SPTBN1: variants seen among roughly 807,000 people sequenced by gnomAD.
SPTBN1 encodes spectrin beta chain, non-erythrocytic 1.
In SPTBN1, 32 loss-of-function variants were observed where a neutral mutation model predicts 266.4. The ratio of observed to expected loss-of-function variants is 0.12; its 90% CI spans 0.09 to 0.16. SPTBN1 has a LOEUF of 0.16. SPTBN1 is among the 10% of genes least tolerant of loss of function. The probability of loss-of-function intolerance (pLI) is 1.00; values close to 1 mark genes in which losing one functional copy is unlikely to be tolerated. For synonymous variants in SPTBN1, 1,336 were observed against 1,162.2 expected (o/e 1.15, Z -3.04); for missense variants, 2,296 against 3,067.1 (o/e 0.75, Z 5.94).
chr2:54,594,829 G>GTTTTTTTTTTTTTTTTTTTTTTTT (rs566074908), intron 2 of SPTBN1, among the ~76,000 whole-genome samples: 2 of 46,386 alleles, frequency 4.3e-5, no homozygotes, highest in African/African-American at 3.3e-4. Flanking sequence ...CCTCTGGTAA[G>GTTTTTTTTTTTTTTTTTTTTTTTT]TTTCTTTTTT....
Position 54,571,481 on chromosome 2 carries a change from GCA to G in SPTBN1, c.149-27607_149-27606del, listed in dbSNP as rs552223910. On this transcript the variant is annotated intron_variant, in intron 2 of 35. Coordinates refer to ENST00000356805, the MANE Select transcript of SPTBN1 (RefSeq NM_003128.3). ...TCCGGGGAATCTTCCTCAGTCCCAGGCACACTGGGTGGTGAGTCCCCCAGTTA... is the reference window on the plus strand; with the variant it reads ...TCCGGGGAATCTTCCTCAGTCCCAGGCACTGGGTGGTGAGTCCCCCAGTTA... Among the ~76,000 whole-genome samples, 4 of 151,664 alleles carry G rather than the reference GCA, an allele frequency of 2.6e-5. 1 individual carries two copies. The South Asian group carries it at 8.4e-4, about 32-fold the overall frequency.
rs1049516049 is a variant in SPTBN1 at position 54,566,193 on chromosome 2, T to C, written c.149-32899T>C. On this transcript the variant is annotated intron_variant, in intron 2 of 35. Coordinates refer to ENST00000356805, the MANE Select transcript of SPTBN1 (RefSeq NM_003128.3). ...AAGCATTTTTCTTTTTTCTTTTTTT[T>C]TTTTTTTTTTGTTGAGATGGAGTGT... Among the ~76,000 whole-genome samples, 23 of 144,296 alleles carry C rather than the reference T, an allele frequency of 1.6e-4. 1 individual carries two copies. Among genetic ancestry groups the C allele is most frequent in the Admixed American group, 8.7e-4 (13 of 14,994 alleles). 94.7% of individuals were successfully genotyped at this position (144,296 alleles called of 152,430 possible). A position where few individuals can be genotyped will look rare whatever the true frequency, so the allele number is the denominator to read the frequency against.
intron 1 of SPTBN1, among the ~76,000 whole-genome samples, chr2:54,514,404 GA>G (rs888760664): frequency 1.3e-5 from 2 of 151,096 alleles, no homozygotes; most frequent in Non-Finnish European, 1.5e-5. Context: ...TGCCCATTAA[GA>G]AAAAAAAATG....
In SPTBN1 at chr2:54,655,060, CT is replaced by C; in HGVS notation, c.5823-9del. 6.2e-7 allele frequency: 1 copy of C among 1,605,752 alleles called. No homozygotes were observed. On this transcript the variant is annotated splice_polypyrimidine_tract_variant and intron_variant, in intron 27 of 35. Transcript: ENST00000356805. ...ATCTCCTAACGGAGGCATCGTTTGT[CT>C]AATTTTAGGGATGTATCATCTGTTG...
chr2:54,486,459 C>G (rs1453852214), intron 1 of SPTBN1, among the ~76,000 whole-genome samples: 5 of 152,294 alleles, frequency 3.3e-5, no homozygotes, highest in East Asian at 3.9e-4. Flanking sequence ...GCTGTGTCCA[C>G]TCAGGGGTCA....
intron 2 of SPTBN1, among the ~76,000 whole-genome samples, chr2:54,578,791 ATG>A (rs1387668050): frequency 1.3e-5 from 2 of 149,660 alleles, no homozygotes; most frequent in East Asian, 2.0e-4. Context: ...GATAATTCTG[ATG>A]TGTGTGTGTA....
chr2:54,561,783 AAAT>A (rs1673322360), intron 2 of SPTBN1, among the ~76,000 whole-genome samples: 2 of 149,298 alleles, frequency 1.3e-5, no homozygotes, highest in East Asian at 1.9e-4. Context: ...TTTAAAATAA[AAAT>A]AAGGATAGTC....
At chr2:54,488,690 C>T (rs1668534258) in intron 1 of SPTBN1, among the ~76,000 whole-genome samples, 1 of 152,030 alleles carries the variant, frequency 6.6e-6, no homozygotes, top group Non-Finnish European at 1.5e-5. Flanking sequence ...TAAAAAAAGT[C>T]TTATCTCCTG....
rs139972017 is a variant in SPTBN1 at position 54,566,123 on chromosome 2, T to A, written c.149-32969T>A. ...CTTTCTATCAACTCTGAAACCCAGC[T>A]ATGAAAAACAAATGAAAGGGGGAAA... On this transcript the variant is annotated intron_variant, in intron 2 of 35. Coordinates refer to ENST00000356805, the MANE Select transcript of SPTBN1 (RefSeq NM_003128.3). 2.0e-5 allele frequency among the ~76,000 whole-genome samples: 3 copies of A among 152,070 alleles called. No homozygotes were observed. In the East Asian group the frequency reaches 5.8e-4, roughly 29 times the overall value.
At position 54,668,748 on chromosome 2, in the gene SPTBN1, C is replaced by T. The variant is rs1412172917; in HGVS notation, c.*179C>T. 1 of 591,058 alleles carries T rather than the reference C, an allele frequency of 1.7e-6. No homozygotes were observed. The highest frequency in any genetic ancestry group is 1.9e-5 in the African/African-American group (1 of 51,764). The allele number at this position is 591,058 out of a possible 1,614,324, so 36.6% of individuals were successfully genotyped here. A position where few individuals can be genotyped will look rare whatever the true frequency, so the allele number is the denominator to read the frequency against. On this transcript the variant is annotated 3_prime_UTR_variant, in exon 36 of 36. Transcript: ENST00000356805. ...GGGGAAACACACCTAAACACTTTAT[C>T]TCCAAGTTACAAAAGTTTGAGGTGC...
chr2:54,629,752 A>G lies in SPTBN1; in HGVS notation c.2618A>G (p.Asn873Ser), dbSNP rs1412306467. ...LWIDEKEQWL[N>S]NMQIPEKLED... ...ATCGACGAGAAGGAGCAGTGGCTCA[A>G]CAACATGCAGATCCCAGAGAAGCTG... Residue 873 changes from asparagine to serine, a missense_variant, in exon 14 of 36, where the codon AAC (asparagine) becomes AGC (serine). Asn to Ser is a conservative substitution (Grantham distance 46, BLOSUM62 1). Transcript: ENST00000356805. The G allele has an allele frequency of 2.5e-6, 4 of 1,611,344 alleles. No homozygotes were observed. In the African/African-American group the frequency reaches 4.0e-5, roughly 16 times the overall value.
chr2:54,544,649 A>G (rs1573381296), intron 2 of SPTBN1, among the ~76,000 whole-genome samples: 1 of 152,252 alleles, frequency 6.6e-6, no homozygotes, highest in East Asian at 1.9e-4. Context: ...TTTGTACTAA[A>G]TACTACATCA....
chr2:54,652,109 G>A (rs1261005522), intron 26 of SPTBN1, among the ~76,000 whole-genome samples: 3 of 151,878 alleles, frequency 2.0e-5, no homozygotes, highest in African/African-American at 4.8e-5. Flanking sequence ...CTTTGATCAC[G>A]CAGCTTTATC....
At chr2:54,502,629 A>T (rs2104129902) in intron 1 of SPTBN1, among the ~76,000 whole-genome samples, 1 of 152,346 alleles carries the variant, frequency 6.6e-6, no homozygotes, top group East Asian at 1.9e-4. Flanking sequence ...TTGAAGTCAG[A>T]CAGAGATGTG....
At chr2:54,480,426 G>T (rs1005821652) in intron 1 of SPTBN1, among the ~76,000 whole-genome samples, 1 of 152,116 alleles carries the variant, frequency 6.6e-6, no homozygotes, top group Non-Finnish European at 1.5e-5. Context: ...ACAACACATC[G>T]TTTTTTAGTG....
At chr2:54,576,897 C>T (rs1674523394) in intron 2 of SPTBN1, among the ~76,000 whole-genome samples, 1 of 152,112 alleles carries the variant, frequency 6.6e-6, no homozygotes, top group African/African-American at 2.4e-5. Flanking sequence ...GTGGGGGAAG[C>T]ATTTTGGAGG....
chr2:54,571,514 G>A (rs1674067647), intron 2 of SPTBN1, among the ~76,000 whole-genome samples: 2 of 150,430 alleles, frequency 1.3e-5, no homozygotes, highest in Non-Finnish European at 3.0e-5. Flanking sequence ...AGTTATATAT[G>A]AAGATACCTA....
chr2:54,569,757 A>G (rs1673925834), intron 2 of SPTBN1, among the ~76,000 whole-genome samples: 1 of 152,162 alleles, frequency 6.6e-6, no homozygotes, highest in Admixed American at 6.5e-5. Context: ...TCTGTGTGGA[A>G]ACTGTGTTTG....
chr2:54,539,731 G>T (rs142286159), intron 2 of SPTBN1, among the ~76,000 whole-genome samples: 3 of 152,276 alleles, frequency 2.0e-5, no homozygotes, highest in African/African-American at 7.2e-5. Context: ...TGGTGGAGAC[G>T]AATTTTGGCC....
Sources: gnomAD v4.1 joint callset for allele counts (sites outside exome capture counted in the v4.1 genomes callset) on GRCh38, gnomAD v4.1.1 for gene constraint, MANE v1.5 for transcripts, NCBI Gene and HGNC (gene_info 2026-07-23, HGNC 2026-07-21) for gene names.